Variants in PRG4 observed in about 807,000 individuals in gnomAD.
PRG4 encodes proteoglycan 4.
Under a neutral mutation model 91.2 loss-of-function variants are expected in PRG4, and 61 were observed. The observed-to-expected ratio is 0.67, with a 90% CI of 0.54 to 0.83. The LOEUF (loss-of-function observed/expected upper bound fraction) is 0.83. PRG4 is among the 40% of genes least tolerant of loss of function. The pLI, the probability that PRG4 is intolerant of heterozygous loss-of-function variation, is 0.00. For synonymous variants in PRG4, 576 were observed against 614.2 expected, an observed-to-expected ratio of 0.94 and a Z score of 0.92; for missense variants, 1,564 against 1,714.2, an observed-to-expected ratio of 0.91 and a Z score of 1.55.
chr1:186,312,592 A>G, intron 11 of PRG4, 177 bp from the exon 12 acceptor site: 1 of 788,352 alleles, frequency 1.3e-6, no homozygotes. Flanking sequence ...TTTGTTAGTT[A>G]TAACCAATAC....
chr1:186,312,586 T>G, intron 11 of PRG4, 183 bp from the exon 12 acceptor site: 1 of 783,664 alleles, frequency 1.3e-6, no homozygotes, highest in Non-Finnish European at 2.0e-6. Flanking sequence ...TTCAGGTTTG[T>G]TAGTTATAAC....
Position 186,310,657 on chromosome 1 carries a change from A to ATTTTTTTTTT in PRG4, c.3500-368_3500-367insTTTTTTTTTT, listed in dbSNP as rs746583527. Among the ~76,000 whole-genome samples, 52 of 135,854 alleles carry ATTTTTTTTTT rather than the reference A, an allele frequency of 3.8e-4. 1 individual carries two copies. The highest frequency in any genetic ancestry group is 6.3e-4 in the East Asian group (3 of 4,730). The allele number at this position is 135,854 out of a possible 152,430, so 89.1% of individuals were successfully genotyped here. On this transcript the variant is annotated intron_variant, in intron 8 of 12. Coordinates refer to ENST00000445192, the MANE Select transcript of PRG4 (RefSeq NM_005807.6). The stretch of plus-strand genomic sequence containing the variant: ...ACCACCATGCCTGGCTAATTTTTGT[A>ATTTTTTTTTT]TTTTTTTTTGTATTTTTTTTTTTTT...
chr1:186,305,101 G>A (rs1176937286), intron 6 of PRG4, among the ~76,000 whole-genome samples, 179 bp downstream of exon 6: 2 of 152,190 alleles, frequency 1.3e-5, no homozygotes, highest in African/African-American at 4.8e-5. Context: ...GTGCCAAGCG[G>A]CTAAGAAGCC....
At chr1:186,302,945 T>C (rs1266535598) in intron 4 of PRG4, among the ~76,000 whole-genome samples, 1 of 151,744 alleles carries the variant, frequency 6.6e-6, no homozygotes, top group Non-Finnish European at 1.5e-5. Flanking sequence ...GAAAAAAAAA[T>C]GATGAAGGCG....
rs1194407103 is a variant in PRG4, at chr1:186,308,622, C to T, written c.2903C>T (p.Thr968Ile). The T allele has an allele frequency of 1.2e-6, 2 of 1,612,744 alleles. No individual in the cohort carries two copies. Among genetic ancestry groups the T allele is most frequent in the African/African-American group, 1.3e-5 (1 of 74,730 alleles). The part of the protein sequence containing the change: ...TQVTSTTTQD[T>I]TPFKITTLKT... ...GTAACATCTACCACAACTCAAGATA[C>T]CACACCATTCAAAATTACTACTCTT... The change falls in exon 7 of 13, where the codon ACC becomes ATC. Residue 968 changes from threonine to isoleucine, a missense_variant. Thr to Ile is a moderately conservative substitution (Grantham distance 89). Transcript: ENST00000445192.
At chr1:186,305,407 T>G (rs1420400064) in intron 6 of PRG4, among the ~76,000 whole-genome samples, 1 of 152,198 alleles carries the variant, frequency 6.6e-6, no homozygotes, top group Non-Finnish European at 1.5e-5. Context: ...CCTAGTAACT[T>G]ATATATTATA....
chr1:186,306,280 A>G (rs1384475283), intron 6 of PRG4, 38 bp from the exon 7 acceptor site: 2 of 1,485,694 alleles, frequency 1.3e-6, no homozygotes, highest in East Asian at 2.3e-5. Flanking sequence ...AAGAAAAAAA[A>G]ATATTCTAAA....
intron 2 of PRG4, among the ~76,000 whole-genome samples, chr1:186,298,023 A>G (rs1655966982): frequency 6.6e-6 from 1 of 152,242 alleles, no homozygotes; most frequent in Non-Finnish European, 1.5e-5. Flanking sequence ...TTCCTCTGTG[A>G]TACAATTGGT....
In PRG4 at chr1:186,307,945, A is replaced by G. The variant is rs368667570; in HGVS notation, c.2226A>G (p.Thr742=). ...CACCCACCACCACCAAGGAGCCCAC[A>G]TCCACCACCTCTGACAAGCCCGCTC... ...ELAPTTTKEP[T]STTSDKPAPT... The change falls in exon 7 of 13, where the codon ACA becomes ACG. Residue 742 remains threonine (T), a synonymous_variant. Transcript: ENST00000445192. 3 of 1,601,318 alleles carry G rather than the reference A, an allele frequency of 1.9e-6. No individual in the cohort carries two copies. Among genetic ancestry groups the G allele is most frequent in the Non-Finnish European group, 2.5e-6 (3 of 1,177,002 alleles).
intron 4 of PRG4, among the ~76,000 whole-genome samples, chr1:186,303,326 C>T (rs1571556346): frequency 6.6e-6 from 1 of 151,992 alleles, no homozygotes. Flanking sequence ...GTGGCCAGTT[C>T]ACGGAGACTA....
chr1:186,305,756 C>T (rs1343917159), intron 6 of PRG4, among the ~76,000 whole-genome samples: 1 of 151,010 alleles, frequency 6.6e-6, no homozygotes, highest in Admixed American at 6.6e-5. Flanking sequence ...CTGCCCATCA[C>T]ACCCTAAGCT....
At chr1:186,297,483 G>A (rs1222545331) in intron 2 of PRG4, among the ~76,000 whole-genome samples, 1 of 152,080 alleles carries the variant, frequency 6.6e-6, no homozygotes, top group Non-Finnish European at 1.5e-5. Context: ...TCCAGGTATG[G>A]ACATATACAG....
At chr1:186,297,020 C>A in intron 2 of PRG4, 69 bp downstream of exon 2, 1 of 1,338,538 alleles carries the variant, frequency 7.5e-7, no homozygotes, top group Non-Finnish European at 1.1e-6. Context: ...ATTTTTATAA[C>A]AACGGAAATA....
chr1:186,314,395 A>C lies in PRG4; in HGVS notation c.*617A>C. ...TTTTCCAAATCTTAATTTGGATTTAAGGAAGAAATCAATAAATATAAAATA... is the reference window on the plus strand; with the variant it reads ...TTTTCCAAATCTTAATTTGGATTTACGGAAGAAATCAATAAATATAAAATA... On this transcript the variant is annotated 3_prime_UTR_variant, in exon 13 of 13. Transcript: ENST00000445192. 2.8e-6 allele frequency: 1 copy of C among 357,956 alleles called. No homozygotes were observed. Among genetic ancestry groups the C allele is most frequent in the Non-Finnish European group, 5.0e-6 (1 of 200,642 alleles). 22.2% of individuals were successfully genotyped at this position (357,956 alleles called of 1,614,324 possible). A position where few individuals can be genotyped will look rare whatever the true frequency, so the allele number is the denominator to read the frequency against.
intron 3 of PRG4, among the ~76,000 whole-genome samples, chr1:186,300,588 C>T (rs1656145759): frequency 2.0e-5 from 3 of 152,092 alleles, no homozygotes; most frequent in South Asian, 4.2e-4. Context: ...GAGATGTCCT[C>T]GACTAGTAAT....
At chr1:186,301,068 C>CAACT (rs1371419053) in intron 3 of PRG4, among the ~76,000 whole-genome samples, 1 of 152,100 alleles carries the variant, frequency 6.6e-6, no homozygotes, top group African/African-American at 2.4e-5. Context: ...TGAAAGCTTT[C>CAACT]AACTATACAC....
chr1:186,306,528 C>A lies in PRG4; in HGVS notation c.809C>A (p.Thr270Lys). The A allele has an allele frequency of 6.2e-7, 1 of 1,612,926 alleles. No homozygotes were observed. Among genetic ancestry groups the A allele is most frequent in the Non-Finnish European group, 8.5e-7 (1 of 1,179,090 alleles). ...PRPSLPPNSDTSKETSLTVNK... is the reference protein window; with the variant it reads ...PRPSLPPNSDKSKETSLTVNK... ...CCCAGTCTTCCACCTAATTCTGATA[C>A]ATCTAAAGAGACGTCTTTGACAGTG... The change falls in exon 7 of 13, where the codon ACA becomes AAA. Residue 270 changes from threonine (T) to lysine (K), a missense_variant. Coordinates refer to ENST00000445192, the MANE Select transcript of PRG4 (RefSeq NM_005807.6).
In PRG4 at chr1:186,308,145, G is replaced by C. The variant is rs113308576; in HGVS notation, c.2426G>C (p.Gly809Ala). Residue 809 changes from glycine (G) to alanine (A), a missense_variant, in exon 7 of 13, where the codon GGG becomes GCG. Around this residue, in one of 3 missense-constraint regions of PRG4, gnomAD observed 1,079 missense variants for 1,162.2 expected, o/e 0.93. Transcript: ENST00000445192. ...GAGCTTGCACCCACCACCACCAAGG[G>C]GCCCACATCCACCACCTCTGACAAG... Reference protein sequence around the residue: ...PKELAPTTTKGPTSTTSDKPA... With the variant: ...PKELAPTTTKAPTSTTSDKPA... 6.9e-7 allele frequency: 1 copy of C among 1,451,246 alleles called. No individual in the cohort carries two copies. Among genetic ancestry groups the C allele is most frequent in the East Asian group, 2.9e-5 (1 of 34,372 alleles). 89.9% of individuals were successfully genotyped at this position (1,451,246 alleles called of 1,614,324 possible). A position where few individuals can be genotyped will look rare whatever the true frequency, so the allele number is the denominator to read the frequency against.
At chr1:186,297,512 G>A (rs969077923) in intron 2 of PRG4, among the ~76,000 whole-genome samples, 2 of 152,112 alleles carry the variant, frequency 1.3e-5, no homozygotes, top group Admixed American at 1.3e-4. Flanking sequence ...GTCATTTTGT[G>A]TTATAACATT....
Sources: allele counts gnomAD v4.1 joint callset (sites outside exome capture counted in the v4.1 genomes callset), GRCh38; gene constraint gnomAD v4.1.1; regional missense constraint gnomAD v4.1.1; transcripts MANE v1.5; gene names NCBI Gene and HGNC (gene_info 2026-07-23, HGNC 2026-07-21).